The following IDO1 variants were observed in gnomAD, a reference collection of about 807,000 sequenced individuals.
IDO1 encodes indoleamine 2,3-dioxygenase 1.
Under a neutral mutation model 38.8 loss-of-function variants are expected in IDO1, and 35 were observed. That is an observed-to-expected ratio of 0.90 (90% CI 0.69 to 1.20). The LOEUF (loss-of-function observed/expected upper bound fraction) is 1.20, where lower values mean the gene tolerates loss of function less well. Ranked by LOEUF, IDO1 falls within the 50% of genes most tolerant of loss-of-function variation. IDO1 has a pLI of 0.00. For missense variants in IDO1, 509 were observed against 485.1 expected (o/e 1.05, Z -0.46); for synonymous variants, 171 against 170.0 (o/e 1.01, Z -0.05).
At chr8:39,925,838 C>G (rs573005248) in intron 9 of IDO1, among the ~76,000 whole-genome samples, 2 of 148,612 alleles carry the variant, frequency 1.3e-5, no homozygotes, top group East Asian at 4.0e-4. Context: ...GAGCCAAGAT[C>G]GTGCTACTGT....
rs752063551 is a variant in IDO1 at position 39,918,923 on chromosome 8, G to T, written c.412G>T (p.Asp138Tyr). ...DCVLANWKKK[D>Y]PNKPLTYENM... ...TGTCTTGGCAAACTGGAAGAAAAAG[G>T]ATCCTAATAAGTATGTAAACAGTGA... The change falls in exon 4 of 10, where the codon GAT (aspartate) becomes TAT (tyrosine). Residue 138 changes from aspartate (D) to tyrosine (Y), a missense_variant. Asp to Tyr is a radical substitution (Grantham distance 160, BLOSUM62 -3). Coordinates refer to ENST00000518237, the MANE Select transcript of IDO1 (RefSeq NM_002164.6). 3 of 1,565,052 alleles carry T rather than the reference G, an allele frequency of 1.9e-6. No individual in the cohort carries two copies. The highest frequency in any genetic ancestry group is 2.6e-6 in the Non-Finnish European group (3 of 1,135,444).
At chr8:39,916,343 G>A (rs1807174871) in intron 1 of IDO1, among the ~76,000 whole-genome samples, 1 of 151,634 alleles carries the variant, frequency 6.6e-6, no homozygotes, top group South Asian at 2.1e-4. Flanking sequence ...TACCCAGCAT[G>A]TTGGTGTGCC....
At chr8:39,922,369 T>G (rs973836844) in intron 5 of IDO1, among the ~76,000 whole-genome samples, 183 bp from the exon 6 acceptor site, 1 of 152,184 alleles carries the variant, frequency 6.6e-6, no homozygotes, top group African/African-American at 2.4e-5. Flanking sequence ...ATTAATTATA[T>G]GATCTTGGAC....
At chr8:39,920,928 T>G (rs1807262041) in intron 5 of IDO1, 1 of 151,882 alleles carries the variant, frequency 6.6e-6, no homozygotes, top group Non-Finnish European at 1.5e-5. Flanking sequence ...TATATGAAAA[T>G]TATGTAAATT....
intron 9 of IDO1, among the ~76,000 whole-genome samples, chr8:39,926,333 A>G (rs1455864967): frequency 6.6e-6 from 1 of 152,216 alleles, no homozygotes; most frequent in East Asian, 1.9e-4. Flanking sequence ...ATGCTCTGAA[A>G]ATGTATGATC....
chr8:39,915,937 G>C (rs1441709846), intron 1 of IDO1, among the ~76,000 whole-genome samples: 3 of 152,098 alleles, frequency 2.0e-5, no homozygotes, highest in African/African-American at 7.2e-5. Context: ...AGACGGAGGC[G>C]GGTGGATCAT....
chr8:39,924,452 T>C (rs919194468), intron 7 of IDO1, among the ~76,000 whole-genome samples: 2 of 152,200 alleles, frequency 1.3e-5, no homozygotes, highest in Non-Finnish European at 2.9e-5. Context: ...TTTTTGTCTT[T>C]GGTTTGTTTC....
rs111298465 is a variant in IDO1 at position 39,919,776 on chromosome 8, G to A, written c.423-324G>A. On this transcript the variant is annotated intron_variant, in intron 4 of 9. Transcript: ENST00000518237. ...GATCACTTCAGCCCAAGAAGTTGAG[G>A]CTGCAGTGAGCCATGTTCGTGCCAC... is the stretch of plus-strand genomic sequence containing the variant. Among the ~76,000 whole-genome samples the A allele has an allele frequency of 9.6e-3, 1,467 of 152,240 alleles. 22 individuals carry two copies. Among genetic ancestry groups the A allele is most frequent in the African/African-American group, 0.033 (1,354 of 41,528 alleles).
chr8:39,928,339 G>GA lies in IDO1; in HGVS notation c.*158dup. Reference sequence around the variant, plus strand: ...CAAAATACCTGTGCATTTCTTGTAGGAAAACAACAAAAGGTAATTATGTGT... The same window carrying GA: ...CAAAATACCTGTGCATTTCTTGTAGGAAAAACAACAAAAGGTAATTATGTGT... On this transcript the variant is annotated 3_prime_UTR_variant, in exon 10 of 10. Transcript: ENST00000518237. The GA allele has an allele frequency of 1.8e-6, 1 of 565,632 alleles. No homozygotes were observed. Among genetic ancestry groups the GA allele is most frequent in the South Asian group, 2.8e-5 (1 of 35,492 alleles). 35.0% of individuals were successfully genotyped at this position (565,632 alleles called of 1,614,324 possible).
Position 39,928,304 on chromosome 8 carries a change from CAA to C in IDO1, c.*122_*123del. 1.5e-6 allele frequency: 1 copy of C among 653,604 alleles called. No individual in the cohort carries two copies. Among genetic ancestry groups the C allele is most frequent in the Non-Finnish European group, 2.5e-6 (1 of 392,748 alleles). The allele number at this position is 653,604 out of a possible 1,614,324, so 40.5% of individuals were successfully genotyped here. ...GCAATGTTTTACCAATAATGCAATA[CAA>C]AAGACCTCAAAATACCTGTGCATTT... On this transcript the variant is annotated 3_prime_UTR_variant, in exon 10 of 10. Transcript: ENST00000518237.
intron 3 of IDO1, 130 bp downstream of exon 3, chr8:39,918,337 T>A: frequency 3.7e-6 from 3 of 806,588 alleles, no homozygotes; most frequent in Non-Finnish European, 1.9e-6. Flanking sequence ...GACAAAATGA[T>A]AAAGAAAATA....
Position 39,925,316 on chromosome 8 carries a change from C to T in IDO1, c.801C>T (p.Ser267=). ...KEFAGGSAGQ[S]SVFQCFDVLL... Reference sequence around the variant, plus strand: ...TTGCAGGGGGCAGTGCAGGCCAAAGCAGCGTCTTTCAGTGCTTTGACGTCC... The same window carrying T: ...TTGCAGGGGGCAGTGCAGGCCAAAGTAGCGTCTTTCAGTGCTTTGACGTCC... Residue 267 remains serine (S), a synonymous_variant, in exon 9 of 10, where the codon AGC becomes AGT. Coordinates refer to ENST00000518237, the MANE Select transcript of IDO1 (RefSeq NM_002164.6). 2 of 1,613,078 alleles carry T rather than the reference C, an allele frequency of 1.2e-6. No individual in the cohort carries two copies. The highest frequency in any genetic ancestry group is 1.7e-5 in the Admixed American group (1 of 59,902).
At chr8:39,919,962 A>T (rs1369783483) in intron 4 of IDO1, 138 bp from the exon 5 acceptor site, 5 of 737,052 alleles carry the variant, frequency 6.8e-6, no homozygotes, top group African/African-American at 1.8e-5. Context: ...ACATTTTAAT[A>T]AGCTTTTTCT....
At chr8:39,918,500 C>T in intron 3 of IDO1, 1 of 462,134 alleles carries the variant, frequency 2.2e-6, no homozygotes, top group Non-Finnish European at 3.8e-6. Flanking sequence ...CCTCCCAGCA[C>T]TTTGAGAGGC....
In IDO1 at chr8:39,928,408, AAAAT is replaced by A; in HGVS notation, c.*224_*227del. The A allele has an allele frequency of 2.2e-6, 1 of 452,994 alleles. No homozygotes were observed. The allele number at this position is 452,994 out of a possible 1,614,324, so 28.1% of individuals were successfully genotyped here. On this transcript the variant is annotated 3_prime_UTR_variant, in exon 10 of 10. Coordinates refer to ENST00000518237, the MANE Select transcript of IDO1 (RefSeq NM_002164.6). ...GTAATCTGTATCTTATCATTGGAATAAAATGACATTCAATAAATAAAAATGCATA... is the reference window on the plus strand; with the variant it reads ...GTAATCTGTATCTTATCATTGGAATAGACATTCAATAAATAAAAATGCATA...
intron 9 of IDO1, among the ~76,000 whole-genome samples, chr8:39,925,817 G>C (rs553014820): frequency 1.3e-5 from 2 of 152,120 alleles, no homozygotes; most frequent in South Asian, 4.2e-4. Context: ...CCCACAGGCA[G>C]AGGTTGCAGT....
chr8:39,924,989 GC>G (rs1807337922), intron 8 of IDO1, among the ~76,000 whole-genome samples: 1 of 152,144 alleles, frequency 6.6e-6, no homozygotes, highest in Admixed American at 6.5e-5. Flanking sequence ...AGTGGTCTGT[GC>G]TAGTACAAAG....
chr8:39,918,928 T>C lies in IDO1; in HGVS notation c.417T>C (p.Pro139=). ...TGGCAAACTGGAAGAAAAAGGATCC[T>C]AATAAGTATGTAAACAGTGATAACA... The part of the protein sequence containing the change: ...CVLANWKKKD[P]NKPLTYENMD... The change falls in exon 4 of 10, where the codon CCT becomes CCC. Residue 139 remains proline (P), a synonymous_variant. Transcript: ENST00000518237. 6.6e-7 allele frequency: 1 copy of C among 1,521,282 alleles called. No individual in the cohort carries two copies. The highest frequency in any genetic ancestry group is 9.1e-7 in the Non-Finnish European group (1 of 1,095,556). 94.2% of individuals were successfully genotyped at this position (1,521,282 alleles called of 1,614,324 possible). A position where few individuals can be genotyped will look rare whatever the true frequency, so the allele number is the denominator to read the frequency against.
At position 39,924,758 on chromosome 8, in the gene IDO1, C is replaced by CAT. The variant is rs1402586038; in HGVS notation, c.698_699dup (p.Leu234IlefsTer63). ...CAAAAGCATTTTTCAGTGTTCTTCG[C>CAT]ATATATTTGTCTGGGTATGTAGTCT... On this transcript the variant is annotated frameshift_variant, in exon 8 of 10. Transcript: ENST00000518237. LOFTEE classifies it high-confidence loss of function. The CAT allele has an allele frequency of 1.2e-6, 2 of 1,609,060 alleles. No homozygotes were observed. The highest frequency in any genetic ancestry group is 2.7e-5 in the African/African-American group (2 of 74,818).
Sources: gnomAD v4.1 joint callset for allele counts (sites outside exome capture counted in the v4.1 genomes callset) on GRCh38, gnomAD v4.1.1 for gene constraint, MANE v1.5 for transcripts, NCBI Gene and HGNC (gene_info 2026-07-23, HGNC 2026-07-21) for gene names.